The following DCLK2 variants were observed in gnomAD, a reference collection of about 807,000 sequenced individuals.
The protein encoded by DCLK2 is serine/threonine-protein kinase DCLK2.
Under a neutral mutation model 78.4 loss-of-function variants are expected in DCLK2, and 31 were observed. The observed-to-expected ratio is 0.40, with a 90% CI of 0.30 to 0.53. The LOEUF is 0.53. Ranked by LOEUF, DCLK2 falls within the 20% of genes least tolerant of loss-of-function variation. DCLK2 has a pLI of 0.61. For synonymous variants in DCLK2, 407 were observed against 374.9 expected (o/e 1.09, Z -0.99); for missense variants, 872 against 973.7 (o/e 0.90, Z 1.39).
intron 15 of DCLK2, among the ~76,000 whole-genome samples, chr4:150,250,572 A>G (rs1420055370): frequency 6.6e-6 from 1 of 151,858 alleles, no homozygotes; most frequent in Non-Finnish European, 1.5e-5. Context: ...TGGCTGCAGC[A>G]GCTTTCGAAT....
At chr4:150,120,618 C>T (rs1732459763) in intron 2 of DCLK2, among the ~76,000 whole-genome samples, 1 of 151,986 alleles carries the variant, frequency 6.6e-6, no homozygotes, top group Non-Finnish European at 1.5e-5. Flanking sequence ...GTTAATGACA[C>T]AATAAAGTGA....
intron 10 of DCLK2, among the ~76,000 whole-genome samples, chr4:150,234,753 A>T (rs1742348396): frequency 7.8e-6 from 1 of 128,322 alleles, no homozygotes; most frequent in East Asian, 2.1e-4. Context: ...GCTCTGTGTT[A>T]AAAAAAAAAA....
At chr4:150,211,189 C>G (rs1052814851) in intron 5 of DCLK2, among the ~76,000 whole-genome samples, 1 of 152,136 alleles carries the variant, frequency 6.6e-6, no homozygotes, top group African/African-American at 2.4e-5. Context: ...CACTCATTCA[C>G]TTGCTGGCAA....
chr4:150,245,415 A>G (rs576015129), intron 12 of DCLK2, among the ~76,000 whole-genome samples: 1 of 152,032 alleles, frequency 6.6e-6, no homozygotes, highest in Non-Finnish European at 1.5e-5. Context: ...CATGTGCCCA[A>G]CGTGCAGGTT....
chr4:150,129,337 A>G (rs1350210121), intron 2 of DCLK2, among the ~76,000 whole-genome samples: 2 of 152,182 alleles, frequency 1.3e-5, no homozygotes, highest in African/African-American at 4.8e-5. Flanking sequence ...GTCATAAGTG[A>G]CATACAGTTT....
intron 7 of DCLK2, among the ~76,000 whole-genome samples, 176 bp downstream of exon 7, chr4:150,221,961 G>GTTGT (rs762745063): frequency 2.7e-5 from 4 of 150,406 alleles, no homozygotes; most frequent in African/African-American, 7.4e-5. Flanking sequence ...CTTTCCTTTT[G>GTTGT]TTGTTTGTTT....
At position 150,082,655 on chromosome 4, in the gene DCLK2, G is replaced by A. The variant is rs571478509; in HGVS notation, c.421+3207G>A. Among the ~76,000 whole-genome samples, 61 of 152,250 alleles carry A rather than the reference G, an allele frequency of 4.0e-4. No individual in the cohort carries two copies. The South Asian group carries it at 0.012, about 31-fold the overall frequency. ...TAAAACTAGTTGGGGGACCTCTTCC[G>A]GCAGGACTGTGGCTCTTAATCAATA... On this transcript the variant is annotated intron_variant, in intron 1 of 15. Coordinates refer to ENST00000296550, the MANE Select transcript of DCLK2 (RefSeq NM_001040260.4).
At chr4:150,248,223 C>G (rs1204891101) in intron 13 of DCLK2, 82 bp from the exon 14 acceptor site, 1 of 1,275,356 alleles carries the variant, frequency 7.8e-7, no homozygotes, top group Non-Finnish European at 1.1e-6. Context: ...GAAGTGCTTG[C>G]CACAAACTCA....
At chr4:150,243,325 C>T (rs1264532786) in intron 12 of DCLK2, among the ~76,000 whole-genome samples, 1 of 152,122 alleles carries the variant, frequency 6.6e-6, no homozygotes, top group Admixed American at 6.5e-5. Flanking sequence ...ATTAAGACAG[C>T]GCTTTCCCTC....
chr4:150,210,642 GA>G (rs957015525), intron 5 of DCLK2, among the ~76,000 whole-genome samples: 14 of 150,980 alleles, frequency 9.3e-5, no homozygotes, highest in Non-Finnish European at 1.8e-4. Flanking sequence ...CTGTCTCCAG[GA>G]AAAAAAGAAA....
chr4:150,079,480 G>T, intron 1 of DCLK2, 32 bp downstream of exon 1: 2 of 1,445,518 alleles, frequency 1.4e-6, no homozygotes, highest in Non-Finnish European at 1.8e-6. Flanking sequence ...CGGCAGGTGC[G>T]GCGGAGCGCC....
At chr4:150,160,179 G>A (rs1447665691) in intron 2 of DCLK2, among the ~76,000 whole-genome samples, 1 of 151,896 alleles carries the variant, frequency 6.6e-6, no homozygotes, top group African/African-American at 2.4e-5. Flanking sequence ...CCACATGCCT[G>A]GCTAACTTGT....
At position 150,221,819 on chromosome 4, in the gene DCLK2, G is replaced by T; in HGVS notation, c.1241+34G>T. 2.3e-6 allele frequency: 3 copies of T among 1,308,098 alleles called. No homozygotes were observed. In the Admixed American group the frequency reaches 6.3e-5, roughly 28 times the overall value. The allele number at this position is 1,308,098 out of a possible 1,614,324, so 81.0% of individuals were successfully genotyped here. Reference sequence around the variant, plus strand: ...ACAGTGAGGATAATTAATGAATAATGAAAATGATAAATAATGAAAACTGTA... The same window carrying T: ...ACAGTGAGGATAATTAATGAATAATTAAAATGATAAATAATGAAAACTGTA... On this transcript the variant is annotated intron_variant, in intron 7 of 15. Transcript: ENST00000296550.
At chr4:150,096,983 A>T (rs1306956994) in intron 1 of DCLK2, among the ~76,000 whole-genome samples, 2 of 151,996 alleles carry the variant, frequency 1.3e-5, no homozygotes, top group South Asian at 2.1e-4. Context: ...GAGAGGAGAG[A>T]AAGAATGGCT....
chr4:150,181,999 T>A (rs1328661352), intron 2 of DCLK2, among the ~76,000 whole-genome samples: 1 of 152,272 alleles, frequency 6.6e-6, no homozygotes, highest in African/African-American at 2.4e-5. Context: ...CCAAATGATT[T>A]ACCTTTCCTT....
rs1470660214 is a variant in DCLK2, at chr4:150,203,067, G to A, written c.962-728G>A. Among the ~76,000 whole-genome samples, 3 of 152,278 alleles carry A rather than the reference G, an allele frequency of 2.0e-5. No individual in the cohort carries two copies. In the East Asian group the frequency reaches 5.8e-4, roughly 29 times the overall value. The stretch of plus-strand genomic sequence containing the variant: ...GCAGATTCTGTACTACATAATTCTA[G>A]CATAGGATCTAAATCGAGCTTTCAA... On this transcript the variant is annotated intron_variant, in intron 4 of 15. Transcript: ENST00000296550.
At chr4:150,117,296 T>C (rs1053611788) in intron 2 of DCLK2, among the ~76,000 whole-genome samples, 2 of 152,176 alleles carry the variant, frequency 1.3e-5, no homozygotes, top group Non-Finnish European at 2.9e-5. Flanking sequence ...TCGTAGGCAG[T>C]GTTCCACTAG....
chr4:150,088,277 T>C (rs947093229), intron 1 of DCLK2, among the ~76,000 whole-genome samples: 3 of 152,200 alleles, frequency 2.0e-5, no homozygotes, highest in African/African-American at 4.8e-5. Flanking sequence ...TTGTCTCTTA[T>C]TAGTTTAGTG....
At chr4:150,143,246 T>C (rs1734232942) in intron 2 of DCLK2, among the ~76,000 whole-genome samples, 1 of 152,202 alleles carries the variant, frequency 6.6e-6, no homozygotes, top group South Asian at 2.1e-4. Context: ...CAATAGTCAT[T>C]GAAAATGTGA....
Sources: gnomAD v4.1 joint callset for allele counts (sites outside exome capture counted in the v4.1 genomes callset) on GRCh38, gnomAD v4.1.1 for gene constraint, MANE v1.5 for transcripts, NCBI Gene and HGNC (gene_info 2026-07-23, HGNC 2026-07-21) for gene names.